Variants in GPT2 observed in about 807,000 individuals in gnomAD.
GPT2 encodes the protein glutamic--pyruvic transaminase 2, also known as alanine aminotransferase 2.
Under a neutral mutation model 56.9 loss-of-function variants are expected in GPT2, and 30 were observed. That is an observed-to-expected ratio of 0.53 (90% CI 0.39 to 0.72). The LOEUF (loss-of-function observed/expected upper bound fraction) is 0.72. Among genes scored for constraint, GPT2 ranks in the 30% least tolerant of loss-of-function variants. GPT2 has a pLI of 0.00. For missense variants in GPT2, 542 were observed against 703.4 expected (o/e 0.77, Z 2.60); for synonymous variants, 271 against 283.1 (o/e 0.96, Z 0.43).
At position 46,930,467 on chromosome 16, in the gene GPT2, T is replaced by C. The variant is rs1386937602; in HGVS notation, c.*1470T>C. 6.6e-6 allele frequency: 1 copy of C among 152,186 alleles called. No homozygotes were observed. Among genetic ancestry groups the C allele is most frequent in the Non-Finnish European group, 1.5e-5 (1 of 68,038 alleles). The allele number at this position is 152,186 out of a possible 1,614,324, so 9.4% of individuals were successfully genotyped here. A position where few individuals can be genotyped will look rare whatever the true frequency, so the allele number is the denominator to read the frequency against. ...TGCTGTGATTTCCACACCGGGTCCGTGCAGAGGAAACAGAAACTCCCAACT... is the reference window on the plus strand; with the variant it reads ...TGCTGTGATTTCCACACCGGGTCCGCGCAGAGGAAACAGAAACTCCCAACT... On this transcript the variant is annotated 3_prime_UTR_variant, in exon 12 of 12. Transcript: ENST00000340124.
chr16:46,899,509 C>T (rs1464724286), intron 3 of GPT2, among the ~76,000 whole-genome samples: 2 of 152,182 alleles, frequency 1.3e-5, no homozygotes, highest in Non-Finnish European at 1.5e-5. Flanking sequence ...GGGAGAGGAG[C>T]TGAGGCTGGC....
chr16:46,886,695 A>C (rs1024498946), intron 2 of GPT2, among the ~76,000 whole-genome samples: 1 of 151,992 alleles, frequency 6.6e-6, no homozygotes, highest in Non-Finnish European at 1.5e-5. Context: ...GGTGGACTGG[A>C]GTCTTGTGTG....
At chr16:46,896,219 G>A (rs1236354721) in intron 2 of GPT2, among the ~76,000 whole-genome samples, 1 of 152,214 alleles carries the variant, frequency 6.6e-6, no homozygotes, top group Admixed American at 6.5e-5. Context: ...TCTCCCAGTG[G>A]CTGATTGGGT....
intron 9 of GPT2, among the ~76,000 whole-genome samples, chr16:46,923,522 G>C (rs544141850): frequency 1.1e-4 from 17 of 152,218 alleles, no homozygotes; most frequent in Non-Finnish European, 2.4e-4. Context: ...TCCTTATCAT[G>C]ATGTCCTCCA....
intron 3 of GPT2, among the ~76,000 whole-genome samples, chr16:46,898,703 C>T (rs1960735052): frequency 6.6e-6 from 1 of 151,644 alleles, no homozygotes; most frequent in South Asian, 2.1e-4. Flanking sequence ...GCATGCACCA[C>T]CACGCCTGGC....
chr16:46,928,233 T>A (rs1232233674), intron 11 of GPT2, among the ~76,000 whole-genome samples: 1 of 149,664 alleles, frequency 6.7e-6, no homozygotes, highest in Non-Finnish European at 1.5e-5. Flanking sequence ...GAGGCTGAGA[T>A]GGGAGGATCA....
At chr16:46,885,494 G>A (rs888251565) in intron 2 of GPT2, 2 of 985,320 alleles carry the variant, frequency 2.0e-6, no homozygotes, top group East Asian at 2.3e-4. Context: ...ATTCCCGGAA[G>A]AGAGTCGGCA....
At chr16:46,887,017 CCTT>C (rs1960496740) in intron 2 of GPT2, among the ~76,000 whole-genome samples, 1 of 152,192 alleles carries the variant, frequency 6.6e-6, no homozygotes, top group Admixed American at 6.5e-5. Context: ...TGAAACCCTT[CCTT>C]CTTGGGAGAC....
intron 6 of GPT2, among the ~76,000 whole-genome samples, chr16:46,913,991 T>C (rs1029203715): frequency 2.6e-5 from 4 of 152,168 alleles, no homozygotes; most frequent in African/African-American, 9.7e-5. Flanking sequence ...TAGATATATA[T>C]GTAATATACA....
intron 8 of GPT2, among the ~76,000 whole-genome samples, chr16:46,921,274 A>T (rs1429817947): frequency 6.6e-6 from 1 of 152,308 alleles, no homozygotes; most frequent in South Asian, 2.1e-4. Flanking sequence ...TCTTGGTTCA[A>T]GCAATTCTCC....
Position 46,927,050 on chromosome 16 carries a change from C to T in GPT2, c.1481+13C>T, listed in dbSNP as rs766747427. On this transcript the variant is annotated intron_variant, in intron 11 of 11. Coordinates refer to ENST00000340124, the MANE Select transcript of GPT2 (RefSeq NM_133443.4). ...CTTACCACTTCAGGTATGACTTCCT[C>T]TCCGCACTAGGGGCTGGTCCGGGTC... 1.3e-6 allele frequency: 2 copies of T among 1,521,570 alleles called. No homozygotes were observed. Among genetic ancestry groups the T allele is most frequent in the East Asian group, 2.3e-5 (1 of 44,088 alleles). The allele number at this position is 1,521,570 out of a possible 1,614,324, so 94.3% of individuals were successfully genotyped here.
chr16:46,893,746 C>T (rs1404456096), intron 2 of GPT2, among the ~76,000 whole-genome samples: 2 of 152,146 alleles, frequency 1.3e-5, no homozygotes, highest in South Asian at 2.1e-4. Flanking sequence ...ACCTTCCGTG[C>T]ATCTGTGCCG....
At chr16:46,894,865 C>T (rs1000818539) in intron 2 of GPT2, among the ~76,000 whole-genome samples, 1 of 152,094 alleles carries the variant, frequency 6.6e-6, no homozygotes, top group Admixed American at 6.5e-5. Context: ...CGGGGTTTCA[C>T]TGTGTTAGCC....
At chr16:46,918,834 G>C in intron 8 of GPT2, 77 bp downstream of exon 8, 3 of 1,553,126 alleles carry the variant, frequency 1.9e-6, no homozygotes, top group South Asian at 2.3e-5. Flanking sequence ...GCCCTGCCCC[G>C]TGGTCCACCC....
chr16:46,927,250 C>A (rs1330910637), intron 11 of GPT2, among the ~76,000 whole-genome samples: 1 of 152,244 alleles, frequency 6.6e-6, no homozygotes, highest in East Asian at 1.9e-4. Flanking sequence ...GGGTTATATT[C>A]CCTGAAAGGT....
intron 6 of GPT2, among the ~76,000 whole-genome samples, chr16:46,913,727 T>C (rs1961088989): frequency 6.6e-6 from 1 of 152,234 alleles, no homozygotes; most frequent in Admixed American, 6.5e-5. Context: ...TAAGATACTC[T>C]ATATACTGTT....
rs1366323115 is a variant in GPT2 at position 46,884,567 on chromosome 16, T to G, written c.-23+100T>G. The G allele has an allele frequency of 4.9e-6, 5 of 1,012,306 alleles. No homozygotes were observed. The East Asian group carries it at 1.6e-4, about 33-fold the overall frequency. 62.7% of individuals were successfully genotyped at this position (1,012,306 alleles called of 1,614,324 possible). On this transcript the variant is annotated intron_variant, in intron 1 of 11. Coordinates refer to ENST00000340124, the MANE Select transcript of GPT2 (RefSeq NM_133443.4). ...GTGGAGGGTCCGGGTCGCCGGGGGA[T>G]GGGCACCAGCGCCGAAGCCAGGCTG...
At chr16:46,923,681 CTG>C (rs1961342395) in intron 9 of GPT2, among the ~76,000 whole-genome samples, 3 of 152,358 alleles carry the variant, frequency 2.0e-5, no homozygotes, top group African/African-American at 7.2e-5. Context: ...TGGACGGTGA[CTG>C]TGCTCCAGCC....
intron 2 of GPT2, chr16:46,885,662 A>G (rs1960469322): frequency 2.3e-6 from 1 of 436,290 alleles, no homozygotes; most frequent in Non-Finnish European, 3.0e-6. Flanking sequence ...CCGGCTGGCT[A>G]GGATCTTGGC....
Sources: gnomAD v4.1 joint callset for allele counts (sites outside exome capture counted in the v4.1 genomes callset) on GRCh38, gnomAD v4.1.1 for gene constraint, MANE v1.5 for transcripts, NCBI Gene and HGNC (gene_info 2026-07-23, HGNC 2026-07-21) for gene names.